FKBP5: variants seen among roughly 807,000 people sequenced by gnomAD.
FKBP5 encodes the protein peptidyl-prolyl cis-trans isomerase FKBP5.
Under a neutral mutation model 50.5 loss-of-function variants are expected in FKBP5, and 23 were observed. The observed-to-expected ratio is 0.46, with a 90% CI of 0.33 to 0.65. The LOEUF is 0.65. FKBP5 is among the 30% of genes least tolerant of loss of function. The pLI, the probability that FKBP5 is intolerant of heterozygous loss-of-function variation, is 0.02. For missense variants in FKBP5, 411 were observed against 553.1 expected, an observed-to-expected ratio of 0.74 and a Z score of 2.58; for synonymous variants, 176 against 190.6, an observed-to-expected ratio of 0.92 and a Z score of 0.63.
intron 2 of FKBP5, among the ~76,000 whole-genome samples, chr6:35,714,353 G>C (rs914810208): frequency 8.6e-5 from 12 of 138,760 alleles, no homozygotes; most frequent in African/African-American, 3.3e-4. Flanking sequence ...TCAGGAGGCT[G>C]AGGCAGGAGA....
At chr6:35,582,147 CAA>C in intron 8 of FKBP5, 1 of 983,844 alleles carries the variant, frequency 1.0e-6, no homozygotes, top group Non-Finnish European at 1.2e-6. Context: ...TCCTTCTTCC[CAA>C]GTCACTCACT....
chr6:35,716,718 G>A (rs1766518825), intron 2 of FKBP5, among the ~76,000 whole-genome samples: 3 of 152,070 alleles, frequency 2.0e-5, no homozygotes, highest in Non-Finnish European at 4.4e-5. Context: ...TAATTGGGTC[G>A]CAAACATTAC....
upstream of FKBP5, among the ~76,000 whole-genome samples, chr6:35,691,433 A>G (rs1317923638): frequency 6.6e-6 from 1 of 152,184 alleles, no homozygotes; most frequent in African/African-American, 2.4e-5. Context: ...AGTGTGGGCA[A>G]ATCTGCAGAG....
At chr6:35,699,999 A>AT (rs1185776085) in intron 2 of FKBP5, among the ~76,000 whole-genome samples, 2 of 151,944 alleles carry the variant, frequency 1.3e-5, no homozygotes, top group African/African-American at 4.8e-5. Flanking sequence ...GTGAGCTGAA[A>AT]TTGCGCCACT....
chr6:35,622,488 G>A (rs1396666472), intron 3 of FKBP5, among the ~76,000 whole-genome samples: 2 of 151,586 alleles, frequency 1.3e-5, no homozygotes, highest in African/African-American at 4.9e-5. Context: ...TCCAGACTAG[G>A]TGACAGAGCG....
chr6:35,640,121 T>C (rs757054627), intron 2 of FKBP5, among the ~76,000 whole-genome samples: 14 of 152,234 alleles, frequency 9.2e-5, no homozygotes, highest in Non-Finnish European at 1.8e-4. Context: ...CACACAGTCA[T>C]GCATCGCTTA....
rs1263765495 is a variant in FKBP5 at position 35,658,671 on chromosome 6, T to TATAC, written c.-19-15829_-19-15828insGTAT. ...TTGCTAATGTGGTACATGACATTGG[T>TATAC]TTTCAAATGTTAAACCAACCTTGGA... On this transcript the variant is annotated intron_variant, in intron 1 of 10. Transcript: ENST00000357266. Among the ~76,000 whole-genome samples, 10 of 20,688 alleles carry TATAC rather than the reference T, an allele frequency of 4.8e-4. 2 individuals are homozygous for TATAC. Among genetic ancestry groups the TATAC allele is most frequent in the South Asian group, 3.4e-3 (2 of 594 alleles). The allele number at this position is 20,688 out of a possible 152,430, so 13.6% of individuals were successfully genotyped here. A position where few individuals can be genotyped will look rare whatever the true frequency, so the allele number is the denominator to read the frequency against.
In FKBP5 at chr6:35,575,518, T is replaced by C. The variant is rs1762184087; in HGVS notation, c.*317A>G. The C allele has an allele frequency of 3.6e-6, 1 of 277,142 alleles. No homozygotes were observed. Among genetic ancestry groups the C allele is most frequent in the African/African-American group, 2.1e-5 (1 of 47,408 alleles). 17.2% of individuals were successfully genotyped at this position (277,142 alleles called of 1,614,324 possible). A position where few individuals can be genotyped will look rare whatever the true frequency, so the allele number is the denominator to read the frequency against. On this transcript the variant is annotated 3_prime_UTR_variant, in exon 11 of 11. Transcript: ENST00000357266. Reference sequence around the variant, plus strand: ...TAACAGCCCCACATTGTTAGGATGATCTCCAGGGACCCTGAATTGGATACT... The same window carrying C: ...TAACAGCCCCACATTGTTAGGATGACCTCCAGGGACCCTGAATTGGATACT...
At chr6:35,580,523 AGTCTTTTT>A in intron 8 of FKBP5, 1 of 82,610 alleles carries the variant, frequency 1.2e-5, no homozygotes. Flanking sequence ...AATATTCTTT[AGTCTTTTT>A]TTTTTTTTTT....
chr6:35,726,211 G>T (rs1248965876), intron 1 of FKBP5, among the ~76,000 whole-genome samples: 1 of 152,220 alleles, frequency 6.6e-6, no homozygotes, highest in Non-Finnish European at 1.5e-5. Context: ...ACAGGCAGTT[G>T]TTCACCAGGG....
At chr6:35,656,906 A>AC (rs1764969103) in intron 1 of FKBP5, among the ~76,000 whole-genome samples, 1 of 148,948 alleles carries the variant, frequency 6.7e-6, no homozygotes, top group Non-Finnish European at 1.5e-5. Flanking sequence ...AAAAAAAAAA[A>AC]AAAGAAAAAA....
At chr6:35,584,260 T>C (rs888338750) in intron 8 of FKBP5, 7 of 985,432 alleles carry the variant, frequency 7.1e-6, no homozygotes, top group Non-Finnish European at 8.4e-6. Context: ...TATTCAGAGG[T>C]TGAAATGAGG....
chr6:35,605,383 C>CTTTTTTTTTTTTTT (rs1158530509), intron 5 of FKBP5, among the ~76,000 whole-genome samples: 1 of 52,268 alleles, frequency 1.9e-5, no homozygotes, highest in Non-Finnish European at 3.5e-5. Context: ...ATGACAATAT[C>CTTTTTTTTTTTTTT]TTTTTTTTTT....
rs556532224 is a variant in FKBP5 at position 35,586,800 on chromosome 6, A to C, written c.840+234T>G. On this transcript the variant is annotated intron_variant, in intron 8 of 10. Coordinates refer to ENST00000357266, the MANE Select transcript of FKBP5 (RefSeq NM_004117.4). The stretch of plus-strand genomic sequence containing the variant: ...GGGATGCCAGACCTGGTCTGCCTGT[A>C]TGGAAGGTTACAATCTAGAGCAGAA... The C allele has an allele frequency of 1.1e-4, 157 of 1,401,890 alleles. No homozygotes were observed. In the East Asian group the frequency reaches 3.8e-3, roughly 34 times the overall value. 86.8% of individuals were successfully genotyped at this position (1,401,890 alleles called of 1,614,324 possible).
At chr6:35,576,691 C>T (rs1184950934) in intron 10 of FKBP5, among the ~76,000 whole-genome samples, 4 of 79,438 alleles carry the variant, frequency 5.0e-5, no homozygotes, top group South Asian at 7.6e-4. Context: ...GGGGGGCGGG[C>T]GGGGGGAGTT....
intron 8 of FKBP5, chr6:35,583,450 T>A: frequency 2.0e-6 from 2 of 985,454 alleles, no homozygotes; most frequent in Non-Finnish European, 2.4e-6. Flanking sequence ...TAGGGCATTT[T>A]AATTTTTTGA....
chr6:35,719,482 A>G (rs1392438885), intron 2 of FKBP5, among the ~76,000 whole-genome samples: 1 of 152,212 alleles, frequency 6.6e-6, no homozygotes, highest in Non-Finnish European at 1.5e-5. Flanking sequence ...TGTACATTAT[A>G]CCTCATAAAG....
At chr6:35,698,931 C>T (rs1360039035) in intron 2 of FKBP5, among the ~76,000 whole-genome samples, 1 of 152,238 alleles carries the variant, frequency 6.6e-6, no homozygotes, top group Admixed American at 6.5e-5. Context: ...GATCCAATCA[C>T]CTCCCACTAG....
Position 35,622,522 on chromosome 6 carries a change from A to G in FKBP5, c.251-2248T>C, listed in dbSNP as rs139233097. ...CGAGACCCTGTCTCTTAAAAAAAAA[A>G]AAAAATCAAGTAATACATGCCTATT... On this transcript the variant is annotated intron_variant, in intron 3 of 10. Coordinates refer to ENST00000357266, the MANE Select transcript of FKBP5 (RefSeq NM_004117.4). 6.7e-3 allele frequency among the ~76,000 whole-genome samples: 1,022 copies of G among 152,222 alleles called. 10 individuals carry two copies. The highest frequency in any genetic ancestry group is 0.024 in the African/African-American group (983 of 41,536).
Sources: allele counts gnomAD v4.1 joint callset (sites outside exome capture counted in the v4.1 genomes callset), GRCh38; gene constraint gnomAD v4.1.1; transcripts MANE v1.5; gene names NCBI Gene and HGNC (gene_info 2026-07-23, HGNC 2026-07-21).